Variants in CWC25 observed in about 807,000 individuals in gnomAD.
CWC25 encodes pre-mRNA-splicing factor CWC25 homolog.
A neutral mutation model predicts 54.6 loss-of-function variants in CWC25; 31 were observed. The observed-to-expected ratio is 0.57, with a 90% CI of 0.43 to 0.77. The LOEUF (loss-of-function observed/expected upper bound fraction) is 0.77. Ranked by LOEUF, CWC25 falls within the 30% of genes least tolerant of loss-of-function variation. CWC25 has a pLI of 0.00. For synonymous variants in CWC25, 151 were observed against 187.0 expected (o/e 0.81, Z 1.57); for missense variants, 453 against 529.3 (o/e 0.86, Z 1.41).
chr17:38,819,399 G>A (rs560525107), intron 2 of CWC25, among the ~76,000 whole-genome samples: 4 of 143,872 alleles, frequency 2.8e-5, no homozygotes, highest in African/African-American at 5.0e-5. Context: ...ACGGAGTCTC[G>A]CTCTGTCGCC....
chr17:38,815,607 G>A, intron 2 of CWC25: 4 of 1,011,348 alleles, frequency 4.0e-6, no homozygotes, highest in Non-Finnish European at 5.4e-6. Context: ...AGTGAATGGA[G>A]AGAGAATATT....
At chr17:38,816,144 C>T (rs1222797446) in intron 2 of CWC25, among the ~76,000 whole-genome samples, 4 of 152,252 alleles carry the variant, frequency 2.6e-5, no homozygotes, top group Admixed American at 1.3e-4. Context: ...TAAGAGCATG[C>T]GTGGAAGCAG....
At position 38,801,986 on chromosome 17, in the gene CWC25, G is replaced by A; in HGVS notation, c.*106C>T. On this transcript the variant is annotated 3_prime_UTR_variant, in exon 10 of 10. Coordinates refer to ENST00000614790, the MANE Select transcript of CWC25 (RefSeq NM_017748.5). ...AAGCAGGGTCACTTTGAACACTGGT[G>A]GTTTGACATCTGTGAAAGAAGTCAT... The A allele has an allele frequency of 1.5e-6, 1 of 659,474 alleles. No homozygotes were observed. The highest frequency in any genetic ancestry group is 2.6e-6 in the Non-Finnish European group (1 of 379,562). 40.9% of individuals were successfully genotyped at this position (659,474 alleles called of 1,614,324 possible).
chr17:38,810,041 G>A (rs1232778794), intron 5 of CWC25, among the ~76,000 whole-genome samples: 1 of 152,038 alleles, frequency 6.6e-6, no homozygotes, highest in Non-Finnish European at 1.5e-5. Flanking sequence ...GACAAATAGT[G>A]ACTCAGCAGC....
At chr17:38,808,073 GAAAAGA>G (rs1911327848) in intron 6 of CWC25, among the ~76,000 whole-genome samples, 1 of 105,300 alleles carries the variant, frequency 9.5e-6, no homozygotes, top group Admixed American at 1.1e-4. Context: ...AAAAAAAAAA[GAAAAGA>G]AAAGAAAAGA....
At chr17:38,817,321 C>T (rs1292103199) in intron 2 of CWC25, among the ~76,000 whole-genome samples, 1 of 148,674 alleles carries the variant, frequency 6.7e-6, no homozygotes, top group Admixed American at 6.8e-5. Flanking sequence ...ACGCAGGTGA[C>T]AGTGCGAGAC....
intron 1 of CWC25, 23 bp downstream of exon 1, chr17:38,825,143 C>G (rs546822914): frequency 1.3e-6 from 2 of 1,535,984 alleles, no homozygotes; most frequent in East Asian, 2.4e-5. Flanking sequence ...AGTCCTCCCC[C>G]GCCCAGGCCT....
chr17:38,806,494 G>A (rs766077012), intron 7 of CWC25, 99 bp from the exon 8 acceptor site: 2 of 1,063,188 alleles, frequency 1.9e-6, no homozygotes, highest in Non-Finnish European at 1.4e-6. Context: ...TGGTCTTAGA[G>A]GTATAATCTA....
intron 2 of CWC25, among the ~76,000 whole-genome samples, chr17:38,817,097 T>C (rs1208333140): frequency 3.3e-5 from 5 of 151,308 alleles, no homozygotes; most frequent in African/African-American, 7.3e-5. Flanking sequence ...TCCTAGAACT[T>C]TGGGAGGCCA....
intron 5 of CWC25, chr17:38,810,209 C>T (rs1314848823): frequency 4.0e-6 from 2 of 504,654 alleles, no homozygotes; most frequent in Non-Finnish European, 6.9e-6. Flanking sequence ...CTACCTAAGA[C>T]CTACTAGGCT....
chr17:38,813,548 C>G (rs1252794562), intron 3 of CWC25, among the ~76,000 whole-genome samples: 4 of 103,134 alleles, frequency 3.9e-5, no homozygotes, highest in Non-Finnish European at 8.2e-5. Flanking sequence ...GAGATTGTCT[C>G]AAAAAAAAAA....
At chr17:38,815,643 A>G (rs117241241) in intron 2 of CWC25, 12,957 of 1,286,372 alleles carry the variant, frequency 0.01, 210 homozygotes, top group Admixed American at 0.073. Flanking sequence ...ATTTATAAGG[A>G]AAACCAGTGT....
Position 38,812,837 on chromosome 17 carries a change from C to G in CWC25, c.456G>C (p.Glu152Asp). The change falls in exon 4 of 10, where the codon GAG becomes GAC. Residue 152 changes from glutamate (E) to aspartate (D), a missense_variant. This residue lies in a region of CWC25 where 444 missense variants were observed against 499.2 expected (regional missense o/e 0.89). Transcript: ENST00000614790. ...TCATTTTCACTGGATTATTTAATAC[C>G]TCTCGTTTTTTCTCCTCCTCCTTCT... is the stretch of plus-strand genomic sequence containing the variant. ...IRKKEEEKKR[E>D]VLNNPVKMKK... 6.6e-7 allele frequency: 1 copy of G among 1,526,292 alleles called. No individual in the cohort carries two copies. The highest frequency in any genetic ancestry group is 8.9e-7 in the Non-Finnish European group (1 of 1,124,402). 94.5% of individuals were successfully genotyped at this position (1,526,292 alleles called of 1,614,324 possible).
intron 1 of CWC25, among the ~76,000 whole-genome samples, chr17:38,822,067 CT>C (rs563391057): frequency 3.0e-4 from 45 of 151,908 alleles, no homozygotes; most frequent in African/African-American, 1.1e-3. Context: ...CGTGCCCAGC[CT>C]TTTTTGTTTC....
At chr17:38,818,335 T>C (rs1388239965) in intron 2 of CWC25, among the ~76,000 whole-genome samples, 1 of 151,588 alleles carries the variant, frequency 6.6e-6, no homozygotes, top group Non-Finnish European at 1.5e-5. Context: ...GGCTCACATC[T>C]GTAATCCCAA....
Position 38,825,175 on chromosome 17 carries a change from GC to G in CWC25, c.8del (p.Gly3AlafsTer4). 3 of 1,551,542 alleles carry G rather than the reference GC, an allele frequency of 1.9e-6. No individual in the cohort carries two copies. Among genetic ancestry groups the G allele is most frequent in the South Asian group, 2.4e-5 (2 of 83,578 alleles). Reference protein sequence around the residue: MGGGDLNLKKSWH... With the variant: MGXGDLNLKKSWH... Reference sequence around the variant, plus strand: ...GCCTCCCTCCACTCACCAGGTCTCCGCCCCCCATGACGGTGGAGACGATTCC... The same window carrying G: ...GCCTCCCTCCACTCACCAGGTCTCCGCCCCCATGACGGTGGAGACGATTCC... On this transcript the variant is annotated frameshift_variant, in exon 1 of 10. Transcript: ENST00000614790. LOFTEE classifies it high-confidence loss of function.
chr17:38,821,644 A>G (rs966201772), intron 1 of CWC25, among the ~76,000 whole-genome samples: 2 of 152,216 alleles, frequency 1.3e-5, no homozygotes, highest in African/African-American at 4.8e-5. Flanking sequence ...CCTTAAAAGC[A>G]TACAAGTCAT....
At chr17:38,821,538 G>A (rs970004473) in intron 1 of CWC25, among the ~76,000 whole-genome samples, 5 of 152,160 alleles carry the variant, frequency 3.3e-5, no homozygotes, top group Admixed American at 6.6e-5. Flanking sequence ...CAGCCTGGGC[G>A]ACAGAGCAAG....
Position 38,825,261 on chromosome 17 carries a change from G to C in CWC25, c.-78C>G. ...AAGAGAAAACGTAGAGAAATAGTTC[G>C]GGGGCTACCTCGCGGGATCTAGTCC... is the stretch of plus-strand genomic sequence containing the variant. On this transcript the variant is annotated 5_prime_UTR_variant, in exon 1 of 10. Transcript: ENST00000614790. 6.8e-7 allele frequency: 1 copy of C among 1,469,826 alleles called. No individual in the cohort carries two copies. Among genetic ancestry groups the C allele is most frequent in the Non-Finnish European group, 9.2e-7 (1 of 1,085,062 alleles). The allele number at this position is 1,469,826 out of a possible 1,614,324, so 91.0% of individuals were successfully genotyped here.
Sources: allele counts gnomAD v4.1 joint callset (sites outside exome capture counted in the v4.1 genomes callset), GRCh38; gene constraint gnomAD v4.1.1; regional missense constraint gnomAD v4.1.1; transcripts MANE v1.5; gene names NCBI Gene and HGNC (gene_info 2026-07-23, HGNC 2026-07-21).